JAM2: variants seen among roughly 807,000 people sequenced by gnomAD.
JAM2 encodes junctional adhesion molecule 2, also known as junctional adhesion molecule B.
In JAM2, 17 loss-of-function variants were observed where a neutral mutation model predicts 42.0. The observed-to-expected ratio is 0.40, with a 90% confidence interval of 0.28 to 0.61. JAM2 has a LOEUF of 0.61. JAM2 is among the 20% of genes least tolerant of loss of function. The pLI, the probability that JAM2 is intolerant of heterozygous loss-of-function variation, is 0.37. For synonymous variants in JAM2, 118 were observed against 128.6 expected (o/e 0.92, Z 0.56); for missense variants, 319 against 358.3 (o/e 0.89, Z 0.89).
At chr21:25,653,862 T>G (rs1397353744) in intron 1 of JAM2, among the ~76,000 whole-genome samples, 2 of 152,216 alleles carry the variant, frequency 1.3e-5, no homozygotes, top group African/African-American at 2.4e-5. Flanking sequence ...AAAGTCTTTC[T>G]TTAGCCAAAC....
intron 3 of JAM2, among the ~76,000 whole-genome samples, chr21:25,691,965 C>T (rs890639750): frequency 5.3e-5 from 8 of 151,340 alleles, no homozygotes; most frequent in South Asian, 2.1e-4. Context: ...GCCAAGATCA[C>T]GCCACTGCAC....
At chr21:25,699,584 G>A (rs562287870) in intron 5 of JAM2, among the ~76,000 whole-genome samples, 5 of 151,930 alleles carry the variant, frequency 3.3e-5, no homozygotes, top group Non-Finnish European at 4.4e-5. Context: ...TTAGCCGGGC[G>A]TGGTGGCGGG....
chr21:25,670,031 TG>T (rs1407952319), intron 1 of JAM2, among the ~76,000 whole-genome samples: 6 of 152,340 alleles, frequency 3.9e-5, no homozygotes, highest in African/African-American at 1.4e-4. Flanking sequence ...TCAAAACTTT[TG>T]GTAGATTCTG....
intron 4 of JAM2, among the ~76,000 whole-genome samples, chr21:25,696,782 C>T (rs775941757): frequency 6.6e-6 from 1 of 152,110 alleles, no homozygotes; most frequent in Non-Finnish European, 1.5e-5. Flanking sequence ...AGTTCGTGGG[C>T]CACACTCAAC....
intron 1 of JAM2, among the ~76,000 whole-genome samples, chr21:25,650,691 A>G (rs1197444267): frequency 6.6e-6 from 1 of 152,250 alleles, no homozygotes; most frequent in Non-Finnish European, 1.5e-5. Flanking sequence ...GAGACAATGG[A>G]GAATTAATAA....
chr21:25,690,626 G>T (rs2033859590), intron 3 of JAM2, among the ~76,000 whole-genome samples: 1 of 152,052 alleles, frequency 6.6e-6, no homozygotes, highest in Non-Finnish European at 1.5e-5. Flanking sequence ...GGAATTACAG[G>T]TGTGAGCCAC....
Position 25,715,813 on chromosome 21 carries a change from C to G in JAM2, c.*1141C>G, listed in dbSNP as rs2034466942. On this transcript the variant is annotated 3_prime_UTR_variant, in exon 10 of 10. Transcript: ENST00000480456. ...GTGAAAATTCCAATGATCCGTTTAC[C>G]AGAGCAATTAGACTATGTTAAAAAT... The G allele has an allele frequency of 6.6e-6, 1 of 152,132 alleles. No homozygotes were observed. Among genetic ancestry groups the G allele is most frequent in the Non-Finnish European group, 1.5e-5 (1 of 68,040 alleles). 9.4% of individuals were successfully genotyped at this position (152,132 alleles called of 1,614,324 possible). A position where few individuals can be genotyped will look rare whatever the true frequency, so the allele number is the denominator to read the frequency against.
intron 1 of JAM2, among the ~76,000 whole-genome samples, chr21:25,664,600 C>T (rs1224103287): frequency 1.3e-5 from 2 of 152,188 alleles, no homozygotes; most frequent in Non-Finnish European, 2.9e-5. Context: ...GTTGACACTC[C>T]CTCTTTGAAA....
intron 4 of JAM2, among the ~76,000 whole-genome samples, chr21:25,698,051 A>C (rs1056270814): frequency 6.6e-6 from 1 of 152,138 alleles, no homozygotes; most frequent in Non-Finnish European, 1.5e-5. Context: ...GTGGTAATAA[A>C]CCAATTGAAG....
At chr21:25,664,258 C>G (rs978754076) in intron 1 of JAM2, among the ~76,000 whole-genome samples, 14 of 151,438 alleles carry the variant, frequency 9.2e-5, no homozygotes, top group African/African-American at 3.4e-4. Context: ...TTTTTTGAGA[C>G]AGAGTCTTTC....
chr21:25,712,479 A>C lies in JAM2; in HGVS notation c.864+97A>C, dbSNP rs964970380. 22 of 853,456 alleles carry C rather than the reference A, an allele frequency of 2.6e-5. No homozygotes were observed. In the African/African-American group the frequency reaches 3.7e-4, roughly 14 times the overall value. 52.9% of individuals were successfully genotyped at this position (853,456 alleles called of 1,614,324 possible). On this transcript the variant is annotated intron_variant, in intron 9 of 9. Transcript: ENST00000480456. ...ATGGACTTTGTGAATTTTCACTTTT[A>C]ATACACTTTGCACCAGTGTCTATCA...
chr21:25,663,935 G>A (rs1051072115), intron 1 of JAM2, among the ~76,000 whole-genome samples: 2 of 152,110 alleles, frequency 1.3e-5, no homozygotes, highest in Non-Finnish European at 1.5e-5. Context: ...CTTTGTTGCA[G>A]CAATTAATCT....
intron 1 of JAM2, among the ~76,000 whole-genome samples, chr21:25,642,520 C>G (rs191986368): frequency 5.9e-5 from 9 of 152,246 alleles, no homozygotes; most frequent in African/African-American, 2.2e-4. Context: ...ATCATGCTTA[C>G]TCCCTTCTTT....
intron 1 of JAM2, among the ~76,000 whole-genome samples, chr21:25,646,310 A>T (rs1266757461): frequency 6.6e-6 from 1 of 152,208 alleles, no homozygotes; most frequent in Non-Finnish European, 1.5e-5. Flanking sequence ...TTTTTTAATC[A>T]TGTGTGCTGT....
chr21:25,642,994 C>T (rs2032489338), intron 1 of JAM2, among the ~76,000 whole-genome samples: 1 of 152,196 alleles, frequency 6.6e-6, no homozygotes, highest in Admixed American at 6.5e-5. Context: ...GCGGAAGAAG[C>T]AAGGCAGCTC....
chr21:25,702,519 G>A (rs569685051), intron 6 of JAM2, among the ~76,000 whole-genome samples: 24 of 152,186 alleles, frequency 1.6e-4, no homozygotes, highest in African/African-American at 2.2e-4. Context: ...TTAAATAATC[G>A]TTTTTAAAAT....
intron 1 of JAM2, among the ~76,000 whole-genome samples, chr21:25,654,927 CG>C (rs2032889152): frequency 6.6e-6 from 1 of 151,968 alleles, no homozygotes; most frequent in Non-Finnish European, 1.5e-5. Flanking sequence ...AAGAGCAGGT[CG>C]GTGCTAGATG....
rs974045794 is a variant in JAM2 at position 25,670,698 on chromosome 21, A to T, written c.68-13185A>T. Among the ~76,000 whole-genome samples, 3 of 152,338 alleles carry T rather than the reference A, an allele frequency of 2.0e-5. No homozygotes were observed. The East Asian group carries it at 5.8e-4, about 29-fold the overall frequency. ...TGTGTAGGACTAGTTTTGAACTAAA[A>T]AAGTCAGAGAACTGTTTTTACCAAA... On this transcript the variant is annotated intron_variant, in intron 1 of 9. Coordinates refer to ENST00000480456, the MANE Select transcript of JAM2 (RefSeq NM_021219.4).
chr21:25,708,374 G>T (rs576678199), intron 7 of JAM2, among the ~76,000 whole-genome samples: 1 of 152,082 alleles, frequency 6.6e-6, no homozygotes, highest in Non-Finnish European at 1.5e-5. Context: ...TTCACGACCA[G>T]CCTGGGAAAC....
Sources: allele counts gnomAD v4.1 joint callset (sites outside exome capture counted in the v4.1 genomes callset), GRCh38; gene constraint gnomAD v4.1.1; transcripts MANE v1.5; gene names NCBI Gene and HGNC (gene_info 2026-07-23, HGNC 2026-07-21).